Variants in PLEKHG4B observed in about 807,000 individuals in gnomAD.
The protein encoded by PLEKHG4B is pleckstrin homology and RhoGEF domain containing G4B.
In PLEKHG4B, 111 loss-of-function variants were observed where a neutral mutation model predicts 121.3. The ratio of observed to expected loss-of-function variants is 0.92; its 90% confidence interval spans 0.78 to 1.07. PLEKHG4B has a LOEUF of 1.07. Among genes scored for constraint, PLEKHG4B ranks in the 50% least tolerant of loss-of-function variants. The probability of loss-of-function intolerance (pLI) is 0.00; values close to 1 mark genes in which losing one functional copy is unlikely to be tolerated. For missense variants in PLEKHG4B, 1,831 were observed against 1,757.8 expected (o/e 1.04, Z -0.74); for synonymous variants, 738 against 725.0 (o/e 1.02, Z -0.29).
intron 7 of PLEKHG4B, among the ~76,000 whole-genome samples, chr5:154,604 T>C (rs1389772285): frequency 1.3e-5 from 2 of 150,258 alleles, no homozygotes; most frequent in Non-Finnish European, 3.0e-5. Context: ...ACTCATTCTT[T>C]CCCTTTTCCT....
In PLEKHG4B at chr5:143,521, G is replaced by C. The variant is rs376306568; in HGVS notation, c.1811+18G>C. 1.9e-6 allele frequency: 3 copies of C among 1,611,762 alleles called. No homozygotes were observed. Among genetic ancestry groups the C allele is most frequent in the Admixed American group, 1.7e-5 (1 of 59,974 alleles). ...ATCCCCAGGTGGGACGGGGGGCAAG[G>C]CCGCACCCTGCAGACCCATGGGACC... On this transcript the variant is annotated intron_variant, in intron 5 of 19. Coordinates refer to ENST00000637938, the MANE Select transcript of PLEKHG4B (RefSeq NM_052909.5).
In PLEKHG4B at chr5:139,785, C is replaced by T. The variant is rs1007616314; in HGVS notation, c.546C>T (p.Thr182=). 5.5e-5 allele frequency: 22 copies of T among 398,902 alleles called. No individual in the cohort carries two copies. The highest frequency in any genetic ancestry group is 1.8e-4 in the Admixed American group (4 of 22,694). 24.7% of individuals were successfully genotyped at this position (398,902 alleles called of 1,614,324 possible). The change falls in exon 3 of 20, where the codon ACC becomes ACT. Residue 182 remains threonine, a synonymous_variant. Coordinates refer to ENST00000637938, the MANE Select transcript of PLEKHG4B (RefSeq NM_052909.5). The surrounding 1 kb of genome is among the most constrained non-coding windows in gnomAD (Gnocchi z 5.0). ...TCCCCCTGCAAACCTGCTTGCTGACCTCAGGCTTGGCCGTCCACCGAGCCC... is the reference window on the plus strand; with the variant it reads ...TCCCCCTGCAAACCTGCTTGCTGACTTCAGGCTTGGCCGTCCACCGAGCCC... ...RHVPLQTCLL[T]SGLAVHRAPW... is the part of the protein sequence containing the mutation.
intron 1 of PLEKHG4B, among the ~76,000 whole-genome samples, chr5:99,097 A>G (rs1347803468): frequency 2.1e-5 from 3 of 143,676 alleles, no homozygotes; most frequent in Admixed American, 1.4e-4. Flanking sequence ...CGGAGGTTGC[A>G]GTGAGCCGAG....
intron 9 of PLEKHG4B, among the ~76,000 whole-genome samples, chr5:155,739 G>A (rs6872393): frequency 0.069 from 10,492 of 152,224 alleles, 612 homozygotes; most frequent in African/African-American, 0.16. Context: ...ACACAGAGGC[G>A]AACTGGCCAC....
chr5:178,513 T>G (rs961977328), intron 18 of PLEKHG4B, among the ~76,000 whole-genome samples: 24 of 152,258 alleles, frequency 1.6e-4, no homozygotes, highest in Admixed American at 9.2e-4. Flanking sequence ...TTTTATATCC[T>G]TATTGGCTTT....
intron 2 of PLEKHG4B, among the ~76,000 whole-genome samples, chr5:135,607 A>G (rs1200084996): frequency 1.4e-5 from 2 of 142,208 alleles, no homozygotes; most frequent in Admixed American, 7.3e-5. Context: ...CAGAGCTTGC[A>G]GTGAGCCGAG....
At chr5:141,442 G>T (rs1735199606) in intron 3 of PLEKHG4B, among the ~76,000 whole-genome samples, 1 of 150,150 alleles carries the variant, frequency 6.7e-6, no homozygotes. Flanking sequence ...CCGGGCTGTG[G>T]CTGCAGCCCT....
At position 181,620 on chromosome 5, in the gene PLEKHG4B, TC is replaced by T; in HGVS notation, c.4512del (p.Lys1505AsnfsTer4). On this transcript the variant is annotated frameshift_variant, in exon 19 of 20. Transcript: ENST00000637938. LOFTEE classifies it high-confidence loss of function. The stretch of plus-strand genomic sequence containing the variant: ...ACTGTGCAGTGATAAGCGACCGGGC[TC>T]CCAAATGTGCAGTGATGAGCGACCG... ...PDCAVISDRA[P>X]KCAVMSDRVP... The T allele has an allele frequency of 6.2e-7, 1 of 1,613,676 alleles. No individual in the cohort carries two copies. Among genetic ancestry groups the T allele is most frequent in the Non-Finnish European group, 8.5e-7 (1 of 1,179,714 alleles).
intron 11 of PLEKHG4B, among the ~76,000 whole-genome samples, chr5:158,475 C>T (rs1320340188): frequency 6.8e-6 from 1 of 148,020 alleles, no homozygotes. Context: ...CCCATCTCTC[C>T]TCCCACTGCC....
At position 96,733 on chromosome 5, in the gene PLEKHG4B, A is replaced by G. The variant is rs573615587; in HGVS notation, c.45+4457A>G. Among the ~76,000 whole-genome samples, 16 of 152,288 alleles carry G rather than the reference A, an allele frequency of 1.1e-4. No homozygotes were observed. In the South Asian group the frequency reaches 3.1e-3, roughly 30 times the overall value. Reference sequence around the variant, plus strand: ...AATCACAGTGACCACTCATGCCTCCAAGACAAAGATACCTTCTCCCCAAAA... The same window carrying G: ...AATCACAGTGACCACTCATGCCTCCGAGACAAAGATACCTTCTCCCCAAAA... On this transcript the variant is annotated intron_variant, in intron 1 of 19. Coordinates refer to ENST00000637938, the MANE Select transcript of PLEKHG4B (RefSeq NM_052909.5).
intron 6 of PLEKHG4B, among the ~76,000 whole-genome samples, chr5:150,917 C>G (rs1735584102): frequency 6.6e-6 from 1 of 152,136 alleles, no homozygotes; most frequent in Non-Finnish European, 1.5e-5. Flanking sequence ...CCATGATTGC[C>G]AAAAACTGGA....
intron 6 of PLEKHG4B, among the ~76,000 whole-genome samples, chr5:146,824 C>G (rs1167252040): frequency 1.3e-5 from 2 of 151,116 alleles, no homozygotes; most frequent in African/African-American, 4.9e-5. Context: ...AGCCTGCCTC[C>G]CCTTGCCTTA....
At chr5:171,874 G>A (rs997682592) in intron 16 of PLEKHG4B, among the ~76,000 whole-genome samples, 1 of 152,218 alleles carries the variant, frequency 6.6e-6, no homozygotes, top group Non-Finnish European at 1.5e-5. Context: ...ACGGGCCCGC[G>A]GCAGCTCACC....
At chr5:179,495 A>G (rs557513521) in intron 18 of PLEKHG4B, 3 of 152,714 alleles carry the variant, frequency 2.0e-5, no homozygotes, top group African/African-American at 7.2e-5. Context: ...CCTGTCCCTC[A>G]TTGTTGAGGC....
chr5:157,393 C>T lies in PLEKHG4B; in HGVS notation c.2487+482C>T, dbSNP rs528164315. Among the ~76,000 whole-genome samples, 5 of 152,184 alleles carry T rather than the reference C, an allele frequency of 3.3e-5. No homozygotes were observed. Among genetic ancestry groups the T allele is most frequent in the African/African-American group, 9.6e-5 (4 of 41,528 alleles). ...GCTCAAGGTTTTAAAGAAAAGAGGA[C>T]AAATCGGGAGGGGGTGATGACGGAA... is the stretch of plus-strand genomic sequence containing the variant. On this transcript the variant is annotated intron_variant, in intron 11 of 19. Transcript: ENST00000637938. This position sits in a 1 kb window ranked among gnomAD's most constrained non-coding sequence, Gnocchi z 4.6.
At chr5:149,297 C>G (rs973281571) in intron 6 of PLEKHG4B, among the ~76,000 whole-genome samples, 4 of 152,012 alleles carry the variant, frequency 2.6e-5, no homozygotes, top group African/African-American at 9.7e-5. Context: ...AATCCCAGCA[C>G]TTTGGGAGGC....
At chr5:154,405 G>T (rs1037444658) in intron 7 of PLEKHG4B, among the ~76,000 whole-genome samples, 8 of 152,134 alleles carry the variant, frequency 5.3e-5, no homozygotes, top group African/African-American at 1.9e-4. Context: ...CGCGGGCAGC[G>T]GCCCTGAGGA....
Position 139,464 on chromosome 5 carries a change from C to T in PLEKHG4B, c.244-19C>T. ...ACATGGCCGTGCCCACCACTAACCTCCCTCCTCTCTTGTCTCAGGCCAGGT... is the reference window on the plus strand; with the variant it reads ...ACATGGCCGTGCCCACCACTAACCTTCCTCCTCTCTTGTCTCAGGCCAGGT... On this transcript the variant is annotated intron_variant, in intron 2 of 19. Coordinates refer to ENST00000637938, the MANE Select transcript of PLEKHG4B (RefSeq NM_052909.5). The surrounding 1 kb of genome is among the most constrained non-coding windows in gnomAD (Gnocchi z 5.0). The T allele has an allele frequency of 2.5e-6, 1 of 398,970 alleles. No homozygotes were observed. Among genetic ancestry groups the T allele is most frequent in the South Asian group, 1.3e-4 (1 of 7,856 alleles). 24.7% of individuals were successfully genotyped at this position (398,970 alleles called of 1,614,324 possible).
rs553127514 is a variant in PLEKHG4B at position 184,144 on chromosome 5, C to G, written c.*1821C>G. The G allele has an allele frequency of 6.6e-6, 1 of 152,174 alleles. No homozygotes were observed. The highest frequency in any genetic ancestry group is 1.5e-5 in the Non-Finnish European group (1 of 68,046). 9.4% of individuals were successfully genotyped at this position (152,174 alleles called of 1,614,324 possible). ...AGACCCAAGGAAGCTGCTAGTGTGC[C>G]CAGTCCGAGTCCTAAAGCCTCAGAG... On this transcript the variant is annotated 3_prime_UTR_variant, in exon 20 of 20. Transcript: ENST00000637938.
Sources: allele counts gnomAD v4.1 joint callset (sites outside exome capture counted in the v4.1 genomes callset), GRCh38; gene constraint gnomAD v4.1.1; non-coding constraint Gnocchi (gnomAD v3.1); transcripts MANE v1.5; gene names NCBI Gene and HGNC (gene_info 2026-07-23, HGNC 2026-07-21).